The following PDXK variants were observed in gnomAD, a reference collection of about 807,000 sequenced individuals.
The protein encoded by PDXK is epididymis secretory sperm binding protein Li 1a.
In PDXK, 15 loss-of-function variants were observed where a neutral mutation model predicts 43.2. That is an observed-to-expected ratio of 0.35 (90% CI 0.23 to 0.53). The LOEUF (loss-of-function observed/expected upper bound fraction) is 0.53. Ranked by LOEUF, PDXK falls within the 20% of genes least tolerant of loss-of-function variation. PDXK has a pLI of 0.92. For synonymous variants in PDXK, 172 were observed against 165.4 expected, an observed-to-expected ratio of 1.04 and a Z score of -0.31; for missense variants, 343 against 417.0, an observed-to-expected ratio of 0.82 and a Z score of 1.54.
rs1358294867 is a variant in PDXK at position 43,758,939 on chromosome 21, G to A, written c.*2876G>A. 1.3e-5 allele frequency: 2 copies of A among 152,214 alleles called. No individual in the cohort carries two copies. The highest frequency in any genetic ancestry group is 4.8e-5 in the African/African-American group (2 of 41,448). 9.4% of individuals were successfully genotyped at this position (152,214 alleles called of 1,614,324 possible). A position where few individuals can be genotyped will look rare whatever the true frequency, so the allele number is the denominator to read the frequency against. On this transcript the variant is annotated 3_prime_UTR_variant, in exon 11 of 11. Coordinates refer to ENST00000291565, the MANE Select transcript of PDXK (RefSeq NM_003681.5). The stretch of plus-strand genomic sequence containing the variant: ...ATTTTTCCAATACATGTAAACAGTT[G>A]CAGCATGATGCTTTGTTTAATGTCC...
intron 10 of PDXK, 81 bp from the exon 11 acceptor site, chr21:43,755,870 G>C: frequency 7.0e-7 from 1 of 1,436,496 alleles, no homozygotes; most frequent in Non-Finnish European, 9.8e-7. Flanking sequence ...GGTGTCTCCT[G>C]CTGACCTCAC....
In PDXK at chr21:43,755,713, A is replaced by T. The variant is rs1341752667; in HGVS notation, c.775A>T (p.Thr259Ser). ...PNNLKVACEK[T>S]VSTLHHVLQR... ...CTCCCTGCAGGTGGCCTGTGAGAAG[A>T]CCGTGTCTACCTTGCACCACGTTCT... is the stretch of plus-strand genomic sequence containing the variant. Residue 259 changes from threonine to serine, a missense_variant, in exon 10 of 11, where the codon ACC becomes TCC. Transcript: ENST00000291565. 6.2e-7 allele frequency: 1 copy of T among 1,613,848 alleles called. No individual in the cohort carries two copies. The highest frequency in any genetic ancestry group is 1.3e-5 in the African/African-American group (1 of 74,938).
intron 2 of PDXK, among the ~76,000 whole-genome samples, chr21:43,740,146 A>G (rs1024007733): frequency 6.6e-6 from 1 of 152,068 alleles, no homozygotes; most frequent in Admixed American, 6.5e-5. Context: ...CAGATGCCGC[A>G]CTGTGCCTGG....
In PDXK at chr21:43,740,824, C is replaced by A. The variant is rs1265819433; in HGVS notation, c.143-843C>A. 2.0e-5 allele frequency among the ~76,000 whole-genome samples: 3 copies of A among 151,596 alleles called. No individual in the cohort carries two copies. In the East Asian group the frequency reaches 5.9e-4, roughly 30 times the overall value. On this transcript the variant is annotated intron_variant, in intron 2 of 10. Coordinates refer to ENST00000291565, the MANE Select transcript of PDXK (RefSeq NM_003681.5). ...GATCTAAGACAGGCTCTAATTGCAC[C>A]TTAATAAGCTTGTTGGGGAGGAGTT...
chr21:43,753,403 C>T (rs918508229), intron 8 of PDXK, among the ~76,000 whole-genome samples, 180 bp from the exon 9 acceptor site: 1 of 152,162 alleles, frequency 6.6e-6, no homozygotes, highest in African/African-American at 2.4e-5. Flanking sequence ...TTTCCCTTTC[C>T]CTTGCTGCGG....
At position 43,754,321 on chromosome 21, in the gene PDXK, C is replaced by T. The variant is rs890568363; in HGVS notation, c.759+602C>T. 6.6e-6 allele frequency among the ~76,000 whole-genome samples: 1 copy of T among 152,120 alleles called. No individual in the cohort carries two copies. The highest frequency in any genetic ancestry group is 1.5e-5 in the Non-Finnish European group (1 of 68,002). On this transcript the variant is annotated intron_variant, in intron 9 of 10. Transcript: ENST00000291565. This position sits in a 1 kb window ranked among gnomAD's most constrained non-coding sequence, Gnocchi z 5.5. ...TGGGGGGAGTGGGACTGTTGGGCAA[C>T]TGACATGGCAGGTTGGGATGTGGGG...
rs563496340 is a variant in PDXK, at chr21:43,726,364, C to T, written c.87+6983C>T. 3.7e-3 allele frequency among the ~76,000 whole-genome samples: 563 copies of T among 150,988 alleles called. 4 individuals are homozygous for T. Among genetic ancestry groups the T allele is most frequent in the Non-Finnish European group, 3.0e-3 (203 of 67,812 alleles). ...CTTGGCTCACTGCAGCCTCCTCCTC[C>T]TCCCAGGTTCACGCCATTCTCCTGC... On this transcript the variant is annotated intron_variant, in intron 1 of 10. Transcript: ENST00000291565.
At chr21:43,726,554 C>T (rs940371580) in intron 1 of PDXK, among the ~76,000 whole-genome samples, 2 of 152,008 alleles carry the variant, frequency 1.3e-5, no homozygotes, top group African/African-American at 4.8e-5. Flanking sequence ...GGGATTACGG[C>T]TGAGCCACCG....
At chr21:43,742,561 C>T (rs2083555610) in intron 3 of PDXK, among the ~76,000 whole-genome samples, 1 of 152,148 alleles carries the variant, frequency 6.6e-6, no homozygotes, top group Non-Finnish European at 1.5e-5. Flanking sequence ...GCCACTGCGC[C>T]CAGCCTCTCT....
At position 43,741,470 on chromosome 21, in the gene PDXK, G is replaced by GCTCGCGGGGAGCTCGCGGGGGT. The variant is rs1568983687; in HGVS notation, c.143-193_143-192insCGGGGAGCTCGCGGGGGTCTCG. 13 of 732,216 alleles carry GCTCGCGGGGAGCTCGCGGGGGT rather than the reference G, an allele frequency of 1.8e-5. 2 individuals are homozygous for GCTCGCGGGGAGCTCGCGGGGGT. Among genetic ancestry groups the GCTCGCGGGGAGCTCGCGGGGGT allele is most frequent in the Non-Finnish European group, 2.2e-5 (12 of 540,902 alleles). 45.4% of individuals were successfully genotyped at this position (732,216 alleles called of 1,614,324 possible). On this transcript the variant is annotated intron_variant, in intron 2 of 10. Coordinates refer to ENST00000291565, the MANE Select transcript of PDXK (RefSeq NM_003681.5). ...GGGGCTCGCGGGGGGCTCGCGGGGG[G>GCTCGCGGGGAGCTCGCGGGGGT]CTCGAGGCGTCCCATGTGGGCAGCC...
chr21:43,731,860 G>A (rs1452406655), intron 1 of PDXK, among the ~76,000 whole-genome samples: 3 of 152,234 alleles, frequency 2.0e-5, no homozygotes, highest in African/African-American at 7.2e-5. Context: ...TGGTGTCGTG[G>A]AGGAGACCCC....
chr21:43,724,924 C>T (rs1030556721), intron 1 of PDXK, among the ~76,000 whole-genome samples: 1 of 151,914 alleles, frequency 6.6e-6, no homozygotes, highest in African/African-American at 2.4e-5. Context: ...TACCGATGCA[C>T]TAGGTAGACC....
At chr21:43,724,471 A>T (rs113345519) in intron 1 of PDXK, among the ~76,000 whole-genome samples, 107 of 152,284 alleles carry the variant, frequency 7.0e-4, no homozygotes, top group African/African-American at 2.6e-3. Context: ...CCGGGCTCCC[A>T]GAGACGCGTG....
rs2083849989 is a variant in PDXK, at chr21:43,756,299, C to T, written c.*236C>T. The T allele has an allele frequency of 5.0e-6, 2 of 402,720 alleles. No individual in the cohort carries two copies. The highest frequency in any genetic ancestry group is 5.0e-5 in the East Asian group (1 of 19,964). 24.9% of individuals were successfully genotyped at this position (402,720 alleles called of 1,614,324 possible). A position where few individuals can be genotyped will look rare whatever the true frequency, so the allele number is the denominator to read the frequency against. Reference sequence around the variant, plus strand: ...ACCCGGCTCCCTTCCCCACAAGGCTCCTGGGCCTCCGGGAAGACGGGCCCC... The same window carrying T: ...ACCCGGCTCCCTTCCCCACAAGGCTTCTGGGCCTCCGGGAAGACGGGCCCC... On this transcript the variant is annotated 3_prime_UTR_variant, in exon 11 of 11. Coordinates refer to ENST00000291565, the MANE Select transcript of PDXK (RefSeq NM_003681.5).
At chr21:43,752,676 G>A (rs1357369753) in intron 8 of PDXK, 47 bp downstream of exon 8, 9 of 1,170,544 alleles carry the variant, frequency 7.7e-6, no homozygotes, top group Non-Finnish European at 1.2e-5. Flanking sequence ...TCTTCCCAGA[G>A]GAAGGTGTTC....
Position 43,757,351 on chromosome 21 carries a change from A to G in PDXK, c.*1288A>G, listed in dbSNP as rs941103687. 3.3e-5 allele frequency: 5 copies of G among 152,304 alleles called. No individual in the cohort carries two copies. The highest frequency in any genetic ancestry group is 1.2e-4 in the African/African-American group (5 of 41,464). 9.4% of individuals were successfully genotyped at this position (152,304 alleles called of 1,614,324 possible). A position where few individuals can be genotyped will look rare whatever the true frequency, so the allele number is the denominator to read the frequency against. On this transcript the variant is annotated 3_prime_UTR_variant, in exon 11 of 11. Coordinates refer to ENST00000291565, the MANE Select transcript of PDXK (RefSeq NM_003681.5). ...CCTGCATCCCAGCTCTGGGGTGTGCAGAGGTTTGTGTCTCCAGGGAACCCA... is the reference window on the plus strand; with the variant it reads ...CCTGCATCCCAGCTCTGGGGTGTGCGGAGGTTTGTGTCTCCAGGGAACCCA...
At chr21:43,750,968 G>GTT (rs1177668434) in intron 7 of PDXK, among the ~76,000 whole-genome samples, 1 of 151,548 alleles carries the variant, frequency 6.6e-6, no homozygotes. Context: ...GTGCATGTGT[G>GTT]TGTGTGTGTG....
intron 2 of PDXK, among the ~76,000 whole-genome samples, chr21:43,740,544 C>T (rs1314034464): frequency 1.3e-5 from 2 of 152,008 alleles, no homozygotes; most frequent in Non-Finnish European, 2.9e-5. Context: ...TGGTGGACCC[C>T]CACCCTGTGT....
rs2083421743 is a variant in PDXK, at chr21:43,737,307, T to C, written c.142+3184T>C. ...GGCCTCGCCGCCTCGAGGCTGCTGC[T>C]CGCACTTCTGCCCCTTCCCCCGGCC... On this transcript the variant is annotated intron_variant, in intron 2 of 10. Transcript: ENST00000291565. This position sits in a 1 kb window ranked among gnomAD's most constrained non-coding sequence, Gnocchi z 4.8. 7.2e-7 allele frequency: 1 copy of C among 1,388,802 alleles called. No homozygotes were observed. Among genetic ancestry groups the C allele is most frequent in the Non-Finnish European group, 9.3e-7 (1 of 1,072,270 alleles). 86.0% of individuals were successfully genotyped at this position (1,388,802 alleles called of 1,614,324 possible). A position where few individuals can be genotyped will look rare whatever the true frequency, so the allele number is the denominator to read the frequency against.
Sources: gnomAD v4.1 joint callset for allele counts (sites outside exome capture counted in the v4.1 genomes callset) on GRCh38, gnomAD v4.1.1 for gene constraint, Gnocchi (gnomAD v3.1) non-coding constraint, MANE v1.5 for transcripts, NCBI Gene and HGNC (gene_info 2026-07-23, HGNC 2026-07-21) for gene names.